Variants in DRD2 observed in about 807,000 individuals in gnomAD.
DRD2 encodes dopamine receptor D2.
In DRD2, 8 loss-of-function variants were observed where a neutral mutation model predicts 38.0. The ratio of observed to expected loss-of-function variants is 0.21; its 90% CI spans 0.12 to 0.38. The LOEUF (loss-of-function observed/expected upper bound fraction) is 0.38. Among genes scored for constraint, DRD2 ranks in the 10% least tolerant of loss-of-function variants. The pLI, the probability that DRD2 is intolerant of heterozygous loss-of-function variation, is 1.00. For synonymous variants in DRD2, 230 were observed against 238.6 expected (o/e 0.96, Z 0.33); for missense variants, 403 against 607.7 (o/e 0.66, Z 3.54).
chr11:113,448,395 G>A (rs1040588962), intron 1 of DRD2, among the ~76,000 whole-genome samples: 2 of 152,266 alleles, frequency 1.3e-5, no homozygotes, highest in Non-Finnish European at 2.9e-5. Context: ...AAGCTCCGGG[G>A]GAACTCCCTG....
intron 2 of DRD2, among the ~76,000 whole-genome samples, chr11:113,418,645 C>T (rs1950851710): frequency 6.6e-6 from 1 of 152,156 alleles, no homozygotes; most frequent in Non-Finnish European, 1.5e-5. Flanking sequence ...CAAATGCAAG[C>T]CAGCCACCCC....
intron 2 of DRD2, among the ~76,000 whole-genome samples, chr11:113,423,420 C>A (rs895126827): frequency 6.6e-6 from 1 of 152,158 alleles, no homozygotes; most frequent in Non-Finnish European, 1.5e-5. Context: ...GGATTACAGG[C>A]ATATGCCACC....
At chr11:113,457,706 G>A (rs887955960) in intron 1 of DRD2, among the ~76,000 whole-genome samples, 7 of 152,206 alleles carry the variant, frequency 4.6e-5, no homozygotes, top group Admixed American at 1.3e-4. Flanking sequence ...AGCTCTGTCC[G>A]CACAGCAAAA....
intron 1 of DRD2, among the ~76,000 whole-genome samples, chr11:113,466,886 G>A (rs1419285877): frequency 6.6e-6 from 1 of 152,228 alleles, no homozygotes; most frequent in Non-Finnish European, 1.5e-5. Flanking sequence ...GCACAATTGA[G>A]AGATTAGCAT....
intron 1 of DRD2, among the ~76,000 whole-genome samples, chr11:113,434,785 C>CG (rs1951020616): frequency 6.6e-6 from 1 of 151,870 alleles, no homozygotes; most frequent in South Asian, 2.1e-4. Flanking sequence ...CATCCCCCCC[C>CG]ATCAGCACCA....
rs77198362 is a variant in DRD2, at chr11:113,429,909, G to A, written c.-31-5227C>T. Among the ~76,000 whole-genome samples the A allele has an allele frequency of 3.1e-3, 476 of 152,362 alleles. 4 individuals carry two copies. Among genetic ancestry groups the A allele is most frequent in the African/African-American group, 0.011 (451 of 41,574 alleles). On this transcript the variant is annotated intron_variant, in intron 1 of 7. Transcript: ENST00000362072. ...GTGAGTATTAAGTAAGATGACTCAT[G>A]GCCATGTGCCAGGCACAGGTAAGCC...
intron 5 of DRD2, among the ~76,000 whole-genome samples, chr11:113,414,670 T>A (rs1488180718): frequency 2.0e-5 from 3 of 152,148 alleles, no homozygotes; most frequent in Non-Finnish European, 4.4e-5. Flanking sequence ...AGGACCTGGT[T>A]TTTTATGGAG....
intron 1 of DRD2, among the ~76,000 whole-genome samples, chr11:113,434,345 T>C (rs1951016734): frequency 6.6e-6 from 1 of 152,182 alleles, no homozygotes; most frequent in Non-Finnish European, 1.5e-5. Context: ...GGAGATAGCA[T>C]CTCATTCAAG....
chr11:113,449,627 G>A (rs998376684), intron 1 of DRD2, among the ~76,000 whole-genome samples: 3 of 152,166 alleles, frequency 2.0e-5, no homozygotes, highest in African/African-American at 2.4e-5. Flanking sequence ...CTAGCAGAGT[G>A]ACGGCCATAA....
At position 113,412,728 on chromosome 11, in the gene DRD2, G is replaced by A. The variant is rs143935143; in HGVS notation, c.966C>T (p.Pro322=). ...CATGCCCATTCTTCTCTGGTTTGGC[G>A]GGGCTGTCGGGAGTGCTGTGGAGAC... ...HHGLHSTPDS[P]AKPEKNGHAK... Residue 322 remains proline, a synonymous_variant, in exon 7 of 8, where the codon CCC becomes CCT. Coordinates refer to ENST00000362072, the MANE Select transcript of DRD2 (RefSeq NM_000795.4). 9.8e-4 allele frequency: 1,578 copies of A among 1,613,960 alleles called. 1 individual carries two copies. The highest frequency in any genetic ancestry group is 1.2e-3 in the Non-Finnish European group (1,452 of 1,179,948).
chr11:113,441,124 ACC>A (rs1219854713), intron 1 of DRD2, among the ~76,000 whole-genome samples: 1 of 152,028 alleles, frequency 6.6e-6, no homozygotes, highest in Non-Finnish European at 1.5e-5. Flanking sequence ...TGTGCAAATA[ACC>A]CTCCAATGGA....
At chr11:113,431,371 G>C (rs778996207) in intron 1 of DRD2, among the ~76,000 whole-genome samples, 1 of 152,180 alleles carries the variant, frequency 6.6e-6, no homozygotes, top group Non-Finnish European at 1.5e-5. Flanking sequence ...TGCAGACAAG[G>C]TTCCATGGGT....
rs1950788663 is a variant in DRD2, at chr11:113,413,335, C to T, written c.811-452G>A. ...CCCAGTGCTCCCACTTCATGGGTAC[C>T]TGCACCTGCGTACACACGTGGGCTC... is the stretch of plus-strand genomic sequence containing the variant. On this transcript the variant is annotated intron_variant, in intron 6 of 7. Coordinates refer to ENST00000362072, the MANE Select transcript of DRD2 (RefSeq NM_000795.4). 5.7e-6 allele frequency: 3 copies of T among 529,410 alleles called. No homozygotes were observed. The African/African-American group carries it at 5.7e-5, about 10-fold the overall frequency. 32.8% of individuals were successfully genotyped at this position (529,410 alleles called of 1,614,324 possible).
At chr11:113,417,450 AT>A (rs35685394) in intron 3 of DRD2, among the ~76,000 whole-genome samples, 6,219 of 147,052 alleles carry the variant, frequency 0.042, 431 homozygotes, top group African/African-American at 0.14. Flanking sequence ...CCTTCATCAC[AT>A]TTTTTTTTTT....
intron 2 of DRD2, among the ~76,000 whole-genome samples, chr11:113,421,087 T>TA (rs1306243923): frequency 1.3e-5 from 2 of 152,250 alleles, no homozygotes; most frequent in African/African-American, 4.8e-5. Context: ...GCAAATGACA[T>TA]AACCACCTCT....
intron 1 of DRD2, among the ~76,000 whole-genome samples, chr11:113,437,721 G>T (rs922788394): frequency 3.3e-5 from 5 of 152,114 alleles, no homozygotes; most frequent in African/African-American, 1.2e-4. Flanking sequence ...GCAAGAGCTG[G>T]GGTCCCTCAT....
chr11:113,420,685 C>A (rs1470205160), intron 2 of DRD2, among the ~76,000 whole-genome samples: 1 of 152,142 alleles, frequency 6.6e-6, no homozygotes, highest in Non-Finnish European at 1.5e-5. Flanking sequence ...CTGGAAGGGA[C>A]CATCTAGCTT....
intron 1 of DRD2, among the ~76,000 whole-genome samples, chr11:113,453,141 A>G (rs1472331308): frequency 6.6e-6 from 1 of 152,172 alleles, no homozygotes; most frequent in Non-Finnish European, 1.5e-5. Flanking sequence ...ATGAGTACGT[A>G]AGAAAGTTTC....
intron 1 of DRD2, among the ~76,000 whole-genome samples, chr11:113,427,334 G>C (rs1194574340): frequency 6.6e-6 from 1 of 151,964 alleles, no homozygotes; most frequent in East Asian, 1.9e-4. Context: ...GAATCCTCCT[G>C]TCTTAGAATC....
Sources: gnomAD v4.1 joint callset for allele counts (sites outside exome capture counted in the v4.1 genomes callset) on GRCh38, gnomAD v4.1.1 for gene constraint, MANE v1.5 for transcripts, NCBI Gene and HGNC (gene_info 2026-07-23, HGNC 2026-07-21) for gene names.